The following FARP2 variants were observed in gnomAD, a reference collection of about 807,000 sequenced individuals.
FARP2 encodes the protein FERM, ARHGEF and pleckstrin domain-containing protein 2.
A neutral mutation model predicts 130.5 loss-of-function variants in FARP2; 111 were observed. That is an observed-to-expected ratio of 0.85 (90% confidence interval 0.73 to 1.00). FARP2 has a LOEUF of 1.00. FARP2 is among the 50% of genes least tolerant of loss of function. FARP2 has a pLI of 0.00. For synonymous variants in FARP2, 504 were observed against 516.9 expected (o/e 0.98, Z 0.34); for missense variants, 1,385 against 1,346.3 (o/e 1.03, Z -0.45).
At chr2:241,397,345 A>C (rs1033942921) in intron 2 of FARP2, among the ~76,000 whole-genome samples, 2 of 152,192 alleles carry the variant, frequency 1.3e-5, no homozygotes, top group African/African-American at 4.8e-5. Flanking sequence ...AATAATAAAA[A>C]TAAATAAATA....
chr2:241,402,860 A>G lies in FARP2; in HGVS notation c.184-968A>G, dbSNP rs189593732. Among the ~76,000 whole-genome samples the G allele has an allele frequency of 1.7e-3, 20 of 11,470 alleles. No homozygotes were observed. The South Asian group carries it at 0.043, about 25-fold the overall frequency. 7.5% of individuals were successfully genotyped at this position (11,470 alleles called of 152,430 possible). ...TTTATATATATATATATATATATAT[A>G]TATATATATATATATATATATTTTT... On this transcript the variant is annotated intron_variant, in intron 2 of 26. Coordinates refer to ENST00000264042, the MANE Select transcript of FARP2 (RefSeq NM_014808.4).
At chr2:241,374,076 A>C (rs2150302685) in intron 2 of FARP2, among the ~76,000 whole-genome samples, 1 of 150,966 alleles carries the variant, frequency 6.6e-6, no homozygotes, top group South Asian at 2.1e-4. Context: ...CAGTGGTGCG[A>C]TCATGCCTCA....
rs1185189860 is a variant in FARP2, at chr2:241,466,689, ACC to A, written c.1894-1441_1894-1440del. The stretch of plus-strand genomic sequence containing the variant: ...CCCCGCCTTCACTCCCCTTCCAACC[ACC>A]CCCCCCCCCACCACCACCACCCGTA... On this transcript the variant is annotated intron_variant, in intron 17 of 26. Coordinates refer to ENST00000264042, the MANE Select transcript of FARP2 (RefSeq NM_014808.4). 5.6e-3 allele frequency: 2,765 copies of A among 497,108 alleles called. 53 individuals carry two copies. The highest frequency in any genetic ancestry group is 6.0e-3 in the Non-Finnish European group (2,606 of 431,514). 30.8% of individuals were successfully genotyped at this position (497,108 alleles called of 1,614,324 possible).
chr2:241,483,837 C>T, intron 20 of FARP2: 2 of 985,480 alleles, frequency 2.0e-6, no homozygotes, highest in South Asian at 4.7e-5. Flanking sequence ...CATGTGGCTG[C>T]AAGAAGGTGC....
chr2:241,492,578 C>CCAT (rs1444111473), intron 24 of FARP2: 2 of 190,154 alleles, frequency 1.1e-5, no homozygotes, highest in African/African-American at 2.3e-5. Context: ...TCTCCCCCAC[C>CCAT]CATCATTTTA....
intron 17 of FARP2, chr2:241,466,700 CA>C (rs2064183192): frequency 8.5e-5 from 50 of 586,228 alleles, no homozygotes; most frequent in South Asian, 1.5e-4. Context: ...CCCCCCCCCC[CA>C]CCACCACCAC....
At chr2:241,381,550 G>A (rs1431501137) in intron 2 of FARP2, among the ~76,000 whole-genome samples, 1 of 152,140 alleles carries the variant, frequency 6.6e-6, no homozygotes, top group East Asian at 1.9e-4. Context: ...CAGCTGGAAG[G>A]TGCAGTGCTT....
chr2:241,384,222 A>G (rs112476475), intron 2 of FARP2, among the ~76,000 whole-genome samples: 1,766 of 152,222 alleles, frequency 0.012, 19 homozygotes, highest in Non-Finnish European at 0.017. Flanking sequence ...AAAGAGAAAC[A>G]TGAAAAGTAT....
intron 1 of FARP2, among the ~76,000 whole-genome samples, chr2:241,366,126 T>TATATATATACATATATATATATAC: frequency 2.7e-4 from 2 of 7,318 alleles, no homozygotes; most frequent in African/African-American, 4.1e-4. Flanking sequence ...TATATACGTA[T>TATATATATACATATATATATATAC]ATATATATAT....
At position 241,434,326 on chromosome 2, in the gene FARP2, G is replaced by A. The variant is rs1343155828; in HGVS notation, c.1031+5G>A. 6.3e-7 allele frequency: 1 copy of A among 1,591,600 alleles called. No homozygotes were observed. The highest frequency in any genetic ancestry group is 1.4e-5 in the African/African-American group (1 of 73,388). ...GGGCTCCTCCTTCAGATACAGGTAG[G>A]GGCCATGCCGTGGCTTGCATGGGCC... is the stretch of plus-strand genomic sequence containing the variant. On this transcript the variant is annotated splice_donor_5th_base_variant and intron_variant, in intron 10 of 26. Coordinates refer to ENST00000264042, the MANE Select transcript of FARP2 (RefSeq NM_014808.4).
chr2:241,404,854 T>C lies in FARP2; in HGVS notation c.331+13T>C. 1 of 1,598,490 alleles carries C rather than the reference T, an allele frequency of 6.3e-7. No homozygotes were observed. The highest frequency in any genetic ancestry group is 8.6e-7 in the Non-Finnish European group (1 of 1,166,052). ...AGGCAAATACGAAGTAAGTCCTTGG[T>C]TTGACTCTTTAAAATCTGTTTGTTT... On this transcript the variant is annotated intron_variant, in intron 4 of 26. Transcript: ENST00000264042.
chr2:241,420,423 G>T (rs1407071142), intron 8 of FARP2, among the ~76,000 whole-genome samples: 1 of 152,134 alleles, frequency 6.6e-6, no homozygotes, highest in Non-Finnish European at 1.5e-5. Flanking sequence ...GGCCAAGCTG[G>T]CAGGCTTTGG....
At chr2:241,397,872 C>T (rs999483494) in intron 2 of FARP2, among the ~76,000 whole-genome samples, 2 of 148,948 alleles carry the variant, frequency 1.3e-5, no homozygotes, top group African/African-American at 5.0e-5. Flanking sequence ...CTCTGTCGCC[C>T]AGGCTGGAGT....
At chr2:241,360,407 G>A (rs1364333608) in intron 1 of FARP2, among the ~76,000 whole-genome samples, 3 of 152,140 alleles carry the variant, frequency 2.0e-5, no homozygotes, top group Non-Finnish European at 4.4e-5. Context: ...TTGGGAGGCC[G>A]AGGTGGGTGG....
At chr2:241,427,334 G>A (rs951729821) in intron 8 of FARP2, among the ~76,000 whole-genome samples, 2 of 152,094 alleles carry the variant, frequency 1.3e-5, no homozygotes, top group Admixed American at 6.6e-5. Flanking sequence ...ATTGTATTAG[G>A]TACATAAGTA....
Position 241,463,908 on chromosome 2 carries a change from C to T in FARP2, c.1821C>T (p.Pro607=), listed in dbSNP as rs201073477. The change falls in exon 17 of 27, where the codon CCC becomes CCT. Residue 607 remains proline (P), a synonymous_variant. Coordinates refer to ENST00000264042, the MANE Select transcript of FARP2 (RefSeq NM_014808.4). ...GTTTCTTTTTACTCAGGGAAGGGCC[C>T]TCCAAAGCCCACACAAAAGGCAGTC... The part of the protein sequence containing the change: ...VEQRLALWEG[P]SKAHTKGSHQ... 28 of 1,613,832 alleles carry T rather than the reference C, an allele frequency of 1.7e-5. No individual in the cohort carries two copies. The highest frequency in any genetic ancestry group is 1.7e-4 in the African/African-American group (13 of 75,022).
chr2:241,486,267 G>A (rs941932572), intron 21 of FARP2, among the ~76,000 whole-genome samples: 16 of 149,828 alleles, frequency 1.1e-4, no homozygotes, highest in Admixed American at 8.0e-4. Flanking sequence ...GGAACATGGC[G>A]AAGCCAAATC....
chr2:241,414,960 G>A (rs779258840), intron 7 of FARP2, among the ~76,000 whole-genome samples: 21 of 152,222 alleles, frequency 1.4e-4, no homozygotes, highest in Admixed American at 1.2e-3. Flanking sequence ...GGAGGTAGAA[G>A]TGCCAACTGA....
In FARP2 at chr2:241,491,057, G is replaced by A. The variant is rs769449944; in HGVS notation, c.2505-4G>A. 5.0e-6 allele frequency: 8 copies of A among 1,609,958 alleles called. No individual in the cohort carries two copies. The Admixed American group carries it at 8.3e-5, about 17-fold the overall frequency. On this transcript the variant is annotated splice_region_variant and splice_polypyrimidine_tract_variant and intron_variant, in intron 22 of 26. Coordinates refer to ENST00000264042, the MANE Select transcript of FARP2 (RefSeq NM_014808.4). ...GCCACTGAGCCTTGCCCTTCTCCCTGCAGCACTCGGCTGGAGAAAGAGAAG... is the reference window on the plus strand; with the variant it reads ...GCCACTGAGCCTTGCCCTTCTCCCTACAGCACTCGGCTGGAGAAAGAGAAG...
Sources: allele counts gnomAD v4.1 joint callset (sites outside exome capture counted in the v4.1 genomes callset), GRCh38; gene constraint gnomAD v4.1.1; transcripts MANE v1.5; gene names NCBI Gene and HGNC (gene_info 2026-07-23, HGNC 2026-07-21).